The following PRR16 variants were observed in gnomAD, a reference collection of about 807,000 sequenced individuals.
The protein encoded by PRR16 is proline rich 16.
PRR16 carries 6 observed loss-of-function variants against 18.2 expected under a neutral mutation model. The observed-to-expected ratio is 0.33, with a 90% confidence interval of 0.18 to 0.65. The LOEUF is 0.65. PRR16 is among the 30% of genes least tolerant of loss of function. The pLI, the probability that PRR16 is intolerant of heterozygous loss-of-function variation, is 0.74. For missense variants in PRR16, 412 were observed against 376.6 expected, an observed-to-expected ratio of 1.09 and a Z score of -0.78; for synonymous variants, 151 against 147.8, an observed-to-expected ratio of 1.02 and a Z score of -0.16.
chr5:120,737,082 T>A, the PRR16 span, among the ~76,000 whole-genome samples: 1 of 152,178 alleles, frequency 6.6e-6, no homozygotes, highest in Non-Finnish European at 1.5e-5. Flanking sequence ...TATTTCTTCC[T>A]TTACAATTTG....
chr5:120,616,250 A>G (rs1754506626), intron 1 of PRR16, among the ~76,000 whole-genome samples: 1 of 152,120 alleles, frequency 6.6e-6, no homozygotes, highest in Non-Finnish European at 1.5e-5. Context: ...CAGAAACTGT[A>G]GTGTTTTGGG....
At chr5:120,771,748 T>C in the PRR16 span, among the ~76,000 whole-genome samples, 1 of 152,058 alleles carries the variant, frequency 6.6e-6, no homozygotes, top group Non-Finnish European at 1.5e-5. Flanking sequence ...TCAGCACTGC[T>C]TAAATGCTGA....
intron 1 of PRR16, among the ~76,000 whole-genome samples, chr5:120,645,257 A>G (rs1415508514): frequency 3.3e-5 from 5 of 151,898 alleles, no homozygotes; most frequent in Admixed American, 2.0e-4. Context: ...ATCACAGGAA[A>G]CATATTGTAA....
intron 1 of PRR16, among the ~76,000 whole-genome samples, chr5:120,656,509 C>T (rs1021172344): frequency 6.7e-6 from 1 of 148,590 alleles, no homozygotes; most frequent in Non-Finnish European, 1.5e-5. Flanking sequence ...ACTTACCAGA[C>T]ACTCTGGAAT....
At chr5:120,755,448 T>C in the PRR16 span, among the ~76,000 whole-genome samples, 19 of 152,066 alleles carry the variant, frequency 1.2e-4, no homozygotes, top group African/African-American at 4.6e-4. Flanking sequence ...TGAGTGCCTG[T>C]TGTTTAGCTC....
the PRR16 span, among the ~76,000 whole-genome samples, chr5:120,755,760 C>G: frequency 1.3e-5 from 2 of 152,060 alleles, no homozygotes; most frequent in African/African-American, 2.4e-5. Flanking sequence ...AATAGTGTTA[C>G]TGGTGGTGAC....
chr5:120,579,508 G>C (rs181796674), intron 1 of PRR16, among the ~76,000 whole-genome samples: 29 of 152,198 alleles, frequency 1.9e-4, no homozygotes, highest in African/African-American at 6.7e-4. Flanking sequence ...CTGATTAGGA[G>C]ATCCTTTCCC....
the PRR16 span, among the ~76,000 whole-genome samples, chr5:120,720,531 T>C: frequency 6.6e-6 from 1 of 152,154 alleles, no homozygotes; most frequent in East Asian, 1.9e-4. Flanking sequence ...ATAACTGGTC[T>C]CAATATCTGC....
chr5:120,723,693 G>T, the PRR16 span, among the ~76,000 whole-genome samples: 1 of 151,820 alleles, frequency 6.6e-6, no homozygotes, highest in Non-Finnish European at 1.5e-5. Flanking sequence ...AATTACTCCA[G>T]ACTAGTAAAT....
At chr5:120,547,047 A>T (rs567175390) in intron 1 of PRR16, among the ~76,000 whole-genome samples, 1 of 152,072 alleles carries the variant, frequency 6.6e-6, no homozygotes, top group Non-Finnish European at 1.5e-5. Context: ...AGATGTTGCT[A>T]TGGTGCATTG....
At chr5:120,768,706 T>C in the PRR16 span, among the ~76,000 whole-genome samples, 1 of 151,772 alleles carries the variant, frequency 6.6e-6, no homozygotes, top group Non-Finnish European at 1.5e-5. Context: ...GCAGCTTACA[T>C]TTCTTAAGAC....
At chr5:120,760,356 C>T in the PRR16 span, among the ~76,000 whole-genome samples, 1 of 151,420 alleles carries the variant, frequency 6.6e-6, no homozygotes, top group Non-Finnish European at 1.5e-5. Context: ...TACAATATAC[C>T]CATACCCTCT....
At chr5:120,754,924 G>A in the PRR16 span, among the ~76,000 whole-genome samples, 1 of 151,184 alleles carries the variant, frequency 6.6e-6, no homozygotes, top group Non-Finnish European at 1.5e-5. Flanking sequence ...ATAGAAAATT[G>A]GGAATAGAAT....
the PRR16 span, among the ~76,000 whole-genome samples, chr5:120,717,673 T>C: frequency 6.6e-6 from 1 of 152,176 alleles, no homozygotes; most frequent in Non-Finnish European, 1.5e-5. Flanking sequence ...AATCTGAGCA[T>C]TGTGCTATAT....
chr5:120,579,462 C>T (rs1047454547), intron 1 of PRR16, among the ~76,000 whole-genome samples: 1 of 152,196 alleles, frequency 6.6e-6, no homozygotes, highest in African/African-American at 2.4e-5. Context: ...TTTCCGTTTT[C>T]TGCATATGGC....
chr5:120,506,507 A>G (rs1750650765), intron 1 of PRR16, among the ~76,000 whole-genome samples: 2 of 152,118 alleles, frequency 1.3e-5, no homozygotes, highest in Admixed American at 6.6e-5. Flanking sequence ...ACGGTGGCTT[A>G]AAGTTATGCT....
the PRR16 span, among the ~76,000 whole-genome samples, chr5:120,768,641 C>A: frequency 6.6e-6 from 1 of 151,350 alleles, no homozygotes; most frequent in Non-Finnish European, 1.5e-5. Context: ...AAGAGAAAAA[C>A]AAAGGTTTGC....
chr5:120,581,469 G>A (rs926950965), intron 1 of PRR16, among the ~76,000 whole-genome samples: 2 of 152,208 alleles, frequency 1.3e-5, no homozygotes, highest in African/African-American at 2.4e-5. Flanking sequence ...CAAAAAACCA[G>A]CTCCTGGATT....
At chr5:120,523,312 A>G (rs1286336261) in intron 1 of PRR16, among the ~76,000 whole-genome samples, 2 of 152,186 alleles carry the variant, frequency 1.3e-5, no homozygotes, top group African/African-American at 2.4e-5. Context: ...TAGGTTAGAT[A>G]TATTTTGTTA....
Sources: gnomAD v4.1 joint callset for allele counts (sites outside exome capture counted in the v4.1 genomes callset) on GRCh38, gnomAD v4.1.1 for gene constraint, MANE v1.5 for transcripts, NCBI Gene and HGNC (gene_info 2026-07-23, HGNC 2026-07-21) for gene names.